The following ELK3 variants were observed in gnomAD, a reference collection of about 807,000 sequenced individuals.
ELK3 encodes the protein ETS transcription factor ELK3, also known as ETS domain-containing protein Elk-3.
Under a neutral mutation model 28.9 loss-of-function variants are expected in ELK3, and 10 were observed. That is an observed-to-expected ratio of 0.35 (90% CI 0.21 to 0.59). The LOEUF is 0.59. ELK3 is among the 20% of genes least tolerant of loss of function. The pLI, the probability that ELK3 is intolerant of heterozygous loss-of-function variation, is 0.82. For missense variants in ELK3, 463 were observed against 517.3 expected, an observed-to-expected ratio of 0.90 and a Z score of 1.02; for synonymous variants, 272 against 243.5, an observed-to-expected ratio of 1.12 and a Z score of -1.09.
chr12:96,265,903 T>TAAAGA (rs1952025791), intron 4 of ELK3, among the ~76,000 whole-genome samples: 1 of 152,184 alleles, frequency 6.6e-6, no homozygotes, highest in Admixed American at 6.5e-5. Flanking sequence ...CAATAATCAT[T>TAAAGA]AAAGAAATTA....
intron 1 of ELK3, among the ~76,000 whole-genome samples, chr12:96,220,383 T>TA (rs1491421407): frequency 1.3e-3 from 11 of 8,462 alleles, no homozygotes; most frequent in Admixed American, 2.9e-3. Context: ...TTTTTCGTGA[T>TA]TTTTTTTTTT....
At chr12:96,196,928 C>T (rs977410900) in intron 1 of ELK3, among the ~76,000 whole-genome samples, 3 of 151,918 alleles carry the variant, frequency 2.0e-5, no homozygotes, top group Non-Finnish European at 2.9e-5. Flanking sequence ...CCCAAACAGC[C>T]CGACCGGGGT....
At chr12:96,258,073 C>T (rs1951965010) in intron 3 of ELK3, among the ~76,000 whole-genome samples, 1 of 152,182 alleles carries the variant, frequency 6.6e-6, no homozygotes, top group African/African-American at 2.4e-5. Context: ...CATTTTTATT[C>T]TCCCCATTTT....
chr12:96,233,234 A>AG (rs1432313737), intron 2 of ELK3, among the ~76,000 whole-genome samples: 1 of 152,204 alleles, frequency 6.6e-6, no homozygotes, highest in Non-Finnish European at 1.5e-5. Flanking sequence ...GAGAAGCTGA[A>AG]GACACGGGTT....
chr12:96,267,108 G>A lies in ELK3; in HGVS notation c.1152G>A (p.Met384Ile), dbSNP rs1482212439. The A allele has an allele frequency of 6.2e-7, 1 of 1,613,546 alleles. No individual in the cohort carries two copies. The highest frequency in any genetic ancestry group is 8.5e-7 in the Non-Finnish European group (1 of 1,179,772). The change falls in exon 5 of 5, where the codon ATG (methionine) becomes ATA (isoleucine). Residue 384 changes from methionine (M) to isoleucine (I), a missense_variant. Met to Ile is a conservative substitution (Grantham distance 10). Around this residue, in one of 2 missense-constraint regions of ELK3, gnomAD observed 408 missense variants for 414.8 expected, o/e 0.98. Transcript: ENST00000228741. ...TCCCCACACTGCTTAATGGCCACAT[G>A]CCAGTGCCAATCCCCAGTCTGGACA... is the stretch of plus-strand genomic sequence containing the variant. ...FQFPTLLNGH[M>I]PVPIPSLDRA...
intron 1 of ELK3, among the ~76,000 whole-genome samples, chr12:96,219,931 C>T (rs552043753): frequency 4.6e-5 from 7 of 152,240 alleles, no homozygotes; most frequent in South Asian, 4.1e-4. Context: ...GCCCTCAGCA[C>T]GGGGCGAGGC....
intron 3 of ELK3, chr12:96,255,683 C>G (rs1210625168): frequency 1.3e-5 from 2 of 152,098 alleles, no homozygotes; most frequent in Non-Finnish European, 2.9e-5. Flanking sequence ...AGAACATGTG[C>G]CCCAGGTGGT....
intron 1 of ELK3, among the ~76,000 whole-genome samples, chr12:96,221,332 T>C (rs1951659959): frequency 6.6e-6 from 1 of 152,150 alleles, no homozygotes; most frequent in South Asian, 2.1e-4. Flanking sequence ...GTAAAATACA[T>C]GGATAGATGT....
intron 1 of ELK3, chr12:96,212,581 G>C (rs1381026231): frequency 1.3e-5 from 2 of 152,212 alleles, no homozygotes; most frequent in East Asian, 1.9e-4. Context: ...TTGTTATAGG[G>C]GGGAGGTGGA....
chr12:96,205,005 A>AGG (rs1951530809), intron 1 of ELK3, among the ~76,000 whole-genome samples: 1 of 152,230 alleles, frequency 6.6e-6, no homozygotes, highest in Non-Finnish European at 1.5e-5. Context: ...GGGCTGCAAG[A>AGG]GGGAGGTCTG....
chr12:96,235,990 T>C (rs2137025140), intron 2 of ELK3, among the ~76,000 whole-genome samples: 1 of 152,212 alleles, frequency 6.6e-6, no homozygotes, highest in South Asian at 2.1e-4. Context: ...CATACCCGGC[T>C]AATTTTTGTA....
intron 3 of ELK3, chr12:96,255,569 GGAAGTGTCTAC>G (rs1267399977): frequency 1.3e-5 from 2 of 152,238 alleles, no homozygotes; most frequent in African/African-American, 4.8e-5. Flanking sequence ...GTTTGGGGAG[GGAAGTGTCTAC>G]GAAGAGTCAA....
chr12:96,238,437 TC>T, intron 2 of ELK3, among the ~76,000 whole-genome samples: 1 of 152,332 alleles, frequency 6.6e-6, no homozygotes, highest in East Asian at 1.9e-4. Flanking sequence ...CCACATGACT[TC>T]TGGCCCGTCA....
chr12:96,255,438 C>T (rs1036129432), intron 3 of ELK3: 1 of 138,312 alleles, frequency 7.2e-6, no homozygotes, highest in African/African-American at 2.5e-5. Flanking sequence ...GCCCAGGGAA[C>T]TATGGGCTGG....
At position 96,194,697 on chromosome 12, in the gene ELK3, C is replaced by G. The variant is rs916996548; in HGVS notation, c.-11C>G. ...AAATTCCCCCCGAAGAAGACTCCCC[C>G]ACATCTGGGTAGGTAACAGGGCTTC... On this transcript the variant is annotated 5_prime_UTR_variant, in exon 1 of 5. Transcript: ENST00000228741. 2.7e-5 allele frequency: 4 copies of G among 150,612 alleles called. No individual in the cohort carries two copies. Among genetic ancestry groups the G allele is most frequent in the African/African-American group, 9.7e-5 (4 of 41,220 alleles). The allele number at this position is 150,612 out of a possible 1,614,324, so 9.3% of individuals were successfully genotyped here. A position where few individuals can be genotyped will look rare whatever the true frequency, so the allele number is the denominator to read the frequency against.
chr12:96,229,032 A>G (rs533017230), intron 2 of ELK3, among the ~76,000 whole-genome samples: 6 of 152,328 alleles, frequency 3.9e-5, no homozygotes, highest in South Asian at 2.1e-4. Context: ...AGCTGACTTC[A>G]TCGTGGCCTT....
chr12:96,222,247 G>A (rs143418274), intron 1 of ELK3, among the ~76,000 whole-genome samples: 63 of 152,272 alleles, frequency 4.1e-4, no homozygotes, highest in African/African-American at 1.4e-3. Flanking sequence ...GCCCAGGAGT[G>A]GGGAAAAACT....
At position 96,252,905 on chromosome 12, in the gene ELK3, C is replaced by T. The variant is rs1391336396; in HGVS notation, c.1002+5171C>T. Among the ~76,000 whole-genome samples the T allele has an allele frequency of 2.3e-3, 343 of 152,346 alleles. 1 individual carries two copies. The highest frequency in any genetic ancestry group is 5.9e-3 in the Admixed American group (90 of 15,302). On this transcript the variant is annotated intron_variant, in intron 3 of 4. Coordinates refer to ENST00000228741, the MANE Select transcript of ELK3 (RefSeq NM_005230.4). ...ATTGACTCCAATTTTGAAAGAAGTT[C>T]TACTCTGGGTAAAATGCTATCAAAC...
intron 1 of ELK3, among the ~76,000 whole-genome samples, chr12:96,210,597 A>ACACACACCCCCCCCCC (rs1416746905): frequency 6.7e-6 from 1 of 148,958 alleles, no homozygotes; most frequent in Non-Finnish European, 1.5e-5. Context: ...ACACACACAC[A>ACACACACCCCCCCCCC]CCCCGAGTGG....
Sources: gnomAD v4.1 joint callset for allele counts (sites outside exome capture counted in the v4.1 genomes callset) on GRCh38, gnomAD v4.1.1 for gene constraint, gnomAD v4.1.1 regional missense constraint, MANE v1.5 for transcripts, NCBI Gene and HGNC (gene_info 2026-07-23, HGNC 2026-07-21) for gene names.